Variants in VWA5A observed in about 807,000 individuals in gnomAD.
VWA5A encodes the protein von Willebrand factor A domain containing 5A.
Under a neutral mutation model 84.6 loss-of-function variants are expected in VWA5A, and 77 were observed. That is an observed-to-expected ratio of 0.91 (90% CI 0.76 to 1.10). The LOEUF (loss-of-function observed/expected upper bound fraction) is 1.10. VWA5A is among the 50% of genes least tolerant of loss of function. The pLI, the probability that VWA5A is intolerant of heterozygous loss-of-function variation, is 0.00. For synonymous variants in VWA5A, 334 were observed against 350.1 expected (o/e 0.95, Z 0.51); for missense variants, 973 against 963.0 (o/e 1.01, Z -0.14).
At position 124,125,934 on chromosome 11, in the gene VWA5A, G is replaced by A. The variant is rs1340307992; in HGVS notation, c.1244+1618G>A. 2.0e-5 allele frequency among the ~76,000 whole-genome samples: 3 copies of A among 152,144 alleles called. No individual in the cohort carries two copies. The East Asian group carries it at 5.8e-4, about 29-fold the overall frequency. ...GTTAAAAAGTCTTTCCCTATCCAAA[G>A]TTTCGTATTTTTGTAATGTGGATAT... On this transcript the variant is annotated intron_variant, in intron 11 of 18. Coordinates refer to ENST00000456829, the MANE Select transcript of VWA5A (RefSeq NM_001130142.2).
intron 15 of VWA5A, 82 bp from the exon 16 acceptor site, chr11:124,141,516 G>T (rs1272614653): frequency 9.1e-6 from 14 of 1,543,942 alleles, no homozygotes; most frequent in African/African-American, 2.7e-5. Context: ...GGATGGGGGG[G>T]TATGTATCTT....
chr11:124,141,032 A>T (rs1860717001), intron 15 of VWA5A, among the ~76,000 whole-genome samples: 1 of 152,350 alleles, frequency 6.6e-6, no homozygotes, highest in South Asian at 2.1e-4. Flanking sequence ...TTTATAGGCT[A>T]TCTACATGGG....
At chr11:124,131,823 T>C (rs1372318214) in intron 11 of VWA5A, among the ~76,000 whole-genome samples, 5 of 151,846 alleles carry the variant, frequency 3.3e-5, no homozygotes, top group Admixed American at 6.6e-5. Flanking sequence ...TTTCTTCCCT[T>C]CTGGATTAGC....
rs891836569 is a variant in VWA5A, at chr11:124,123,422, T to C, written c.987T>C (p.Tyr329=). The C allele has an allele frequency of 1.9e-6, 3 of 1,614,124 alleles. No homozygotes were observed. The highest frequency in any genetic ancestry group is 2.5e-6 in the Non-Finnish European group (3 of 1,180,018). ...SLPIGCYFNI[Y]GFGSSYEACF... ...CTATAGGCTGTTATTTCAACATCTA[T>C]GGATTTGGCTCTTCCTATGAGGCAT... Residue 329 remains tyrosine (Y), a synonymous_variant, in exon 9 of 19, where the codon TAT becomes TAC. Coordinates refer to ENST00000456829, the MANE Select transcript of VWA5A (RefSeq NM_001130142.2).
At chr11:124,138,488 G>T (rs1860658777) in intron 15 of VWA5A, among the ~76,000 whole-genome samples, 1 of 152,094 alleles carries the variant, frequency 6.6e-6, no homozygotes, top group Non-Finnish European at 1.5e-5. Context: ...ATTCTGACAG[G>T]TATGAGGTGA....
chr11:124,130,603 G>A (rs1865082133), intron 11 of VWA5A, among the ~76,000 whole-genome samples: 1 of 152,078 alleles, frequency 6.6e-6, no homozygotes, highest in Non-Finnish European at 1.5e-5. Context: ...CTATTATTGT[G>A]TGGGAGTCTA....
intron 17 of VWA5A, among the ~76,000 whole-genome samples, chr11:124,144,793 G>A (rs1860788604): frequency 6.6e-6 from 1 of 152,094 alleles, no homozygotes; most frequent in Admixed American, 6.5e-5. Flanking sequence ...AGCTAAGTTT[G>A]AGCAAATCAT....
Position 124,116,614 on chromosome 11 carries a change from A to T in VWA5A, c.-82A>T, listed in dbSNP as rs1393059725. The T allele has an allele frequency of 6.6e-6, 1 of 152,222 alleles. No homozygotes were observed. Among genetic ancestry groups the T allele is most frequent in the Non-Finnish European group, 1.5e-5 (1 of 68,076 alleles). The allele number at this position is 152,222 out of a possible 1,614,324, so 9.4% of individuals were successfully genotyped here. A position where few individuals can be genotyped will look rare whatever the true frequency, so the allele number is the denominator to read the frequency against. ...TTGCCCAGGTCAGAGGTCTGCGTAG[A>T]AGCCCTTTTCTGAGCATCCTCTCCT... On this transcript the variant is annotated 5_prime_UTR_variant, in exon 2 of 19. Transcript: ENST00000456829.
chr11:124,144,261 G>A (rs1860778252), intron 17 of VWA5A, among the ~76,000 whole-genome samples: 1 of 152,042 alleles, frequency 6.6e-6, no homozygotes, highest in Non-Finnish European at 1.5e-5. Flanking sequence ...TCTACAGGTA[G>A]AGAAGAGAGC....
chr11:124,129,830 C>G (rs1353146707), intron 11 of VWA5A, among the ~76,000 whole-genome samples: 1 of 152,008 alleles, frequency 6.6e-6, no homozygotes, highest in Non-Finnish European at 1.5e-5. Context: ...AGTGGTGATA[C>G]TCCCTTTATC....
In VWA5A at chr11:124,123,767, T is replaced by C; in HGVS notation, c.1127T>C (p.Ile376Thr). ...GTEILAPLQNIYRGPSIPGHP... is the reference protein window; with the variant it reads ...GTEILAPLQNTYRGPSIPGHP... ...GAAATCTTGGCACCACTCCAGAACA[T>C]TTACAGGGGACCCTCCATCCCAGGC... is the stretch of plus-strand genomic sequence containing the variant. Residue 376 changes from isoleucine to threonine, a missense_variant, in exon 10 of 19, where the codon ATT becomes ACT. Transcript: ENST00000456829. 1 of 1,602,864 alleles carries C rather than the reference T, an allele frequency of 6.2e-7. No homozygotes were observed. The highest frequency in any genetic ancestry group is 8.5e-7 in the Non-Finnish European group (1 of 1,175,554).
At chr11:124,145,411 G>A in intron 18 of VWA5A, 48 bp downstream of exon 18, 1 of 1,556,688 alleles carries the variant, frequency 6.4e-7, no homozygotes, top group Non-Finnish European at 8.7e-7. Context: ...CCCTGGCCTG[G>A]CGGAAGGTGA....
intron 2 of VWA5A, 170 bp from the exon 3 acceptor site, chr11:124,117,327 G>C (rs1489643324): frequency 1.5e-6 from 1 of 655,846 alleles, no homozygotes; most frequent in Non-Finnish European, 2.6e-6. Context: ...CATTTAAAAG[G>C]ACCCTTATGA....
intron 12 of VWA5A, among the ~76,000 whole-genome samples, chr11:124,135,677 C>G (rs970283422): frequency 6.7e-6 from 1 of 148,602 alleles, no homozygotes; most frequent in Non-Finnish European, 1.5e-5. Flanking sequence ...ACTACAGGCG[C>G]CCGCCACTAC....
chr11:124,141,167 G>A (rs1010865513), intron 15 of VWA5A, among the ~76,000 whole-genome samples: 1 of 152,208 alleles, frequency 6.6e-6, no homozygotes, highest in Non-Finnish European at 1.5e-5. Context: ...GTGACGACAT[G>A]TGGAAGGTAA....
Position 124,123,754 on chromosome 11 carries a change from C to A in VWA5A, c.1114C>A (p.Pro372Thr). The A allele has an allele frequency of 6.2e-7, 1 of 1,609,380 alleles. No individual in the cohort carries two copies. Among genetic ancestry groups the A allele is most frequent in the Non-Finnish European group, 8.5e-7 (1 of 1,178,074 alleles). Residue 372 changes from proline to threonine, a missense_variant, in exon 10 of 19, where the codon CCA (proline) becomes ACA (threonine). Physicochemically the swap from Pro to Thr is conservative, Grantham distance 38 (BLOSUM62 -1). Coordinates refer to ENST00000456829, the MANE Select transcript of VWA5A (RefSeq NM_001130142.2). ...ADLGGTEILA[P>T]LQNIYRGPSI... Reference sequence around the variant, plus strand: ...CCTAGGGGGCACTGAAATCTTGGCACCACTCCAGAACATTTACAGGGGACC... The same window carrying A: ...CCTAGGGGGCACTGAAATCTTGGCAACACTCCAGAACATTTACAGGGGACC...
chr11:124,132,972 T>C (rs1365237931), intron 11 of VWA5A, among the ~76,000 whole-genome samples: 3 of 152,222 alleles, frequency 2.0e-5, no homozygotes, highest in Non-Finnish European at 4.4e-5. Context: ...TTTCCAATTA[T>C]CATTATGATT....
rs931642059 is a variant in VWA5A at position 124,142,650 on chromosome 11, T to C, written c.2154+78T>C. 18 of 1,565,788 alleles carry C rather than the reference T, an allele frequency of 1.1e-5. No homozygotes were observed. The African/African-American group carries it at 2.2e-4, about 19-fold the overall frequency. ...TTGAGAATTGAGGTGATTCAGGACC[T>C]ACCTGAGGAAGGAAAATATAGGGGG... On this transcript the variant is annotated intron_variant, in intron 17 of 18. Transcript: ENST00000456829.
intron 18 of VWA5A, among the ~76,000 whole-genome samples, chr11:124,145,576 G>A (rs1018376757): frequency 6.6e-6 from 1 of 152,156 alleles, no homozygotes; most frequent in East Asian, 1.9e-4. Flanking sequence ...CACAAATGGG[G>A]AGTGTGAACT....
Sources: allele counts gnomAD v4.1 joint callset (sites outside exome capture counted in the v4.1 genomes callset), GRCh38; gene constraint gnomAD v4.1.1; transcripts MANE v1.5; gene names NCBI Gene and HGNC (gene_info 2026-07-23, HGNC 2026-07-21).